Variants in KHDRBS2 observed in about 807,000 individuals in gnomAD.
KHDRBS2 encodes the protein KH domain-containing, RNA-binding, signal transduction-associated protein 2.
In KHDRBS2, 26 loss-of-function variants were observed where a neutral mutation model predicts 44.3. That is an observed-to-expected ratio of 0.59 (90% CI 0.43 to 0.81). KHDRBS2 has a LOEUF of 0.81. KHDRBS2 is among the 40% of genes least tolerant of loss of function. KHDRBS2 has a pLI of 0.00. For synonymous variants in KHDRBS2, 194 were observed against 151.1 expected (o/e 1.28, Z -2.08); for missense variants, 476 against 433.1 (o/e 1.10, Z -0.88).
intron 3 of KHDRBS2, among the ~76,000 whole-genome samples, chr6:62,043,088 G>T (rs180888600): frequency 6.6e-6 from 1 of 152,016 alleles, no homozygotes; most frequent in Non-Finnish European, 1.5e-5. Flanking sequence ...CTCTTGTCTG[G>T]GTGTGTTCAG....
chr6:61,548,396 C>T, the KHDRBS2 span, among the ~76,000 whole-genome samples: 1 of 152,064 alleles, frequency 6.6e-6, no homozygotes, highest in Non-Finnish European at 1.5e-5. Context: ...ATAAGAATCA[C>T]CTGGGGATCT....
chr6:61,939,179 A>G (rs2127373768), intron 4 of KHDRBS2, among the ~76,000 whole-genome samples: 1 of 152,330 alleles, frequency 6.6e-6, no homozygotes, highest in African/African-American at 2.4e-5. Flanking sequence ...GAAATCTAAT[A>G]CACATCGATG....
chr6:61,826,422 G>C (rs1321981345), intron 6 of KHDRBS2, among the ~76,000 whole-genome samples: 2 of 152,246 alleles, frequency 1.3e-5, no homozygotes, highest in East Asian at 3.9e-4. Context: ...AGTGGCTCCT[G>C]TCTGATAGCC....
At chr6:61,851,764 C>T (rs1397781926) in intron 6 of KHDRBS2, among the ~76,000 whole-genome samples, 1 of 152,118 alleles carries the variant, frequency 6.6e-6, no homozygotes, top group Non-Finnish European at 1.5e-5. Flanking sequence ...AACTATAATA[C>T]AGATGTGTTA....
intron 1 of KHDRBS2, among the ~76,000 whole-genome samples, chr6:62,222,630 T>C (rs1351185144): frequency 6.6e-6 from 1 of 152,102 alleles, no homozygotes; most frequent in Non-Finnish European, 1.5e-5. Context: ...AACCATATCA[T>C]ACCTCCCCTG....
At chr6:62,102,972 C>A (rs1802245969) in intron 2 of KHDRBS2, among the ~76,000 whole-genome samples, 1 of 152,132 alleles carries the variant, frequency 6.6e-6, no homozygotes, top group African/African-American at 2.4e-5. Context: ...CTCAAGAGAT[C>A]CGAAGTGTGT....
chr6:61,815,613 G>A (rs1788792505), intron 6 of KHDRBS2, among the ~76,000 whole-genome samples: 1 of 152,174 alleles, frequency 6.6e-6, no homozygotes, highest in South Asian at 2.1e-4. Flanking sequence ...AAATAACAGA[G>A]CATATAATTC....
intron 6 of KHDRBS2, among the ~76,000 whole-genome samples, chr6:61,857,436 A>T (rs1796304644): frequency 4.6e-5 from 7 of 151,958 alleles, no homozygotes. Flanking sequence ...AGAAATGGGC[A>T]TGTATGGTGG....
chr6:61,977,274 ATTCTC>A (rs780904795), intron 4 of KHDRBS2, among the ~76,000 whole-genome samples: 9 of 152,148 alleles, frequency 5.9e-5, no homozygotes, highest in Non-Finnish European at 1.2e-4. Context: ...TGTACTCAGC[ATTCTC>A]TTCTAATTGT....
intron 2 of KHDRBS2, among the ~76,000 whole-genome samples, chr6:62,163,042 A>G (rs559653367): frequency 6.6e-6 from 1 of 152,120 alleles, no homozygotes; most frequent in African/African-American, 2.4e-5. Flanking sequence ...AAACTTATGT[A>G]AGGGCATGGC....
At chr6:61,635,959 C>A in the KHDRBS2 span, among the ~76,000 whole-genome samples, 9 of 152,004 alleles carry the variant, frequency 5.9e-5, no homozygotes, top group Non-Finnish European at 1.2e-4. Flanking sequence ...TACAAGAAAT[C>A]AAGCTCAACA....
intron 1 of KHDRBS2, among the ~76,000 whole-genome samples, chr6:62,186,174 A>G (rs2150128438): frequency 6.6e-6 from 1 of 152,188 alleles, no homozygotes; most frequent in East Asian, 1.9e-4. Flanking sequence ...TTAGGCAATG[A>G]TCAATTTCTG....
intron 4 of KHDRBS2, among the ~76,000 whole-genome samples, chr6:61,959,494 G>C (rs187266603): frequency 1.3e-5 from 2 of 152,154 alleles, no homozygotes; most frequent in Admixed American, 1.3e-4. Flanking sequence ...CCTGTCATTC[G>C]GCTCACATGA....
chr6:62,017,325 C>T (rs891335006), intron 3 of KHDRBS2, among the ~76,000 whole-genome samples: 2 of 151,914 alleles, frequency 1.3e-5, no homozygotes, highest in Non-Finnish European at 2.9e-5. Context: ...ATGATAAAAT[C>T]CTATAAGAGG....
chr6:61,690,471 T>A (rs868491181), intron 8 of KHDRBS2, among the ~76,000 whole-genome samples: 1 of 152,014 alleles, frequency 6.6e-6, no homozygotes, highest in Non-Finnish European at 1.5e-5. Context: ...ACCTTTCCTA[T>A]GGCTTGTTTT....
intron 2 of KHDRBS2, among the ~76,000 whole-genome samples, chr6:62,159,885 G>A (rs1276615348): frequency 2.6e-5 from 4 of 152,116 alleles, no homozygotes; most frequent in African/African-American, 7.2e-5. Context: ...TATCAAGTAG[G>A]CTGAGGAAAA....
intron 4 of KHDRBS2, among the ~76,000 whole-genome samples, chr6:61,975,792 C>T (rs1772503441): frequency 1.3e-5 from 2 of 152,016 alleles, no homozygotes; most frequent in African/African-American, 4.8e-5. Context: ...GTTAGTGATA[C>T]TACGTTCAAA....
intron 6 of KHDRBS2, among the ~76,000 whole-genome samples, chr6:61,752,671 CAAAAAAAAAAAA>C (rs56410130): frequency 4.5e-5 from 5 of 111,336 alleles, no homozygotes; most frequent in Admixed American, 2.1e-4. Flanking sequence ...TTGTGGTATA[CAAAAAAAAAAAA>C]AAAAAAAAAA....
intron 6 of KHDRBS2, among the ~76,000 whole-genome samples, chr6:61,837,343 C>T (rs1432010979): frequency 6.6e-6 from 1 of 151,976 alleles, no homozygotes; most frequent in Non-Finnish European, 1.5e-5. Context: ...TGTTATCACA[C>T]AACTTGGTCT....
Sources: allele counts gnomAD v4.1 joint callset (sites outside exome capture counted in the v4.1 genomes callset), GRCh38; gene constraint gnomAD v4.1.1; transcripts MANE v1.5; gene names NCBI Gene and HGNC (gene_info 2026-07-23, HGNC 2026-07-21).